Variants in NELL2 observed in about 807,000 individuals in gnomAD.
NELL2 encodes protein kinase C-binding protein NELL2.
In NELL2, 41 loss-of-function variants were observed where a neutral mutation model predicts 109.6. That is an observed-to-expected ratio of 0.37 (90% CI 0.29 to 0.49). The LOEUF is 0.49. Ranked by LOEUF, NELL2 falls within the 20% of genes least tolerant of loss-of-function variation. The pLI, the probability that NELL2 is intolerant of heterozygous loss-of-function variation, is 0.98. For synonymous variants in NELL2, 355 were observed against 344.7 expected (o/e 1.03, Z -0.33); for missense variants, 900 against 1,008.3 (o/e 0.89, Z 1.45).
intron 13 of NELL2, among the ~76,000 whole-genome samples, chr12:44,644,579 A>AGTATATATATATATATATGTATGTAT (rs1946988325): frequency 1.4e-5 from 1 of 70,092 alleles, no homozygotes; most frequent in African/African-American, 7.4e-5. Flanking sequence ...GACAAAGTAA[A>AGTATATATATATATATATGTATGTAT]GTATATATAT....
At chr12:44,854,414 T>C (rs1592657863) in intron 2 of NELL2, among the ~76,000 whole-genome samples, 1 of 152,184 alleles carries the variant, frequency 6.6e-6, no homozygotes, top group Non-Finnish European at 1.5e-5. Flanking sequence ...AGGAGGGAAC[T>C]GTTTTGAACA....
intron 3 of NELL2, among the ~76,000 whole-genome samples, chr12:44,808,001 C>A (rs978309821): frequency 1.3e-5 from 2 of 151,996 alleles, no homozygotes; most frequent in South Asian, 4.1e-4. Context: ...ATATTTAGGG[C>A]CTGATAACTG....
At chr12:44,615,097 A>G (rs1592210161) in intron 13 of NELL2, among the ~76,000 whole-genome samples, 1 of 152,228 alleles carries the variant, frequency 6.6e-6, no homozygotes, top group East Asian at 1.9e-4. Context: ...TAGTAAATGG[A>G]TTCATTATGA....
At chr12:44,867,440 T>C (rs1231015019) in intron 2 of NELL2, among the ~76,000 whole-genome samples, 1 of 152,212 alleles carries the variant, frequency 6.6e-6, no homozygotes, top group African/African-American at 2.4e-5. Flanking sequence ...CATTTCATGA[T>C]AAAAACTCTC....
At chr12:44,835,206 C>T (rs147113304) in intron 2 of NELL2, among the ~76,000 whole-genome samples, 28 of 152,290 alleles carry the variant, frequency 1.8e-4, no homozygotes, top group South Asian at 1.2e-3. Flanking sequence ...CTCTCAGACA[C>T]GCCCTGCCTC....
intron 13 of NELL2, among the ~76,000 whole-genome samples, chr12:44,615,825 A>C (rs1945799986): frequency 1.3e-5 from 2 of 152,156 alleles, no homozygotes. Flanking sequence ...CAAAGGACAG[A>C]CATCACTTTC....
intron 9 of NELL2, among the ~76,000 whole-genome samples, chr12:44,723,406 T>C (rs1477945499): frequency 6.6e-6 from 1 of 152,182 alleles, no homozygotes; most frequent in East Asian, 1.9e-4. Flanking sequence ...TTTTATCCTA[T>C]GTTATCTGAT....
chr12:44,660,322 A>T (rs775316395), intron 13 of NELL2, among the ~76,000 whole-genome samples: 2 of 152,182 alleles, frequency 1.3e-5, no homozygotes, highest in Non-Finnish European at 2.9e-5. Flanking sequence ...GAGGATGAGG[A>T]CCTAGCGTCC....
chr12:44,820,157 C>T (rs1168623917), intron 2 of NELL2, among the ~76,000 whole-genome samples: 1 of 152,160 alleles, frequency 6.6e-6, no homozygotes, highest in Non-Finnish European at 1.5e-5. Context: ...GCTTCCAACC[C>T]TTACCTCACC....
At chr12:44,793,509 G>T (rs2136636107) in intron 3 of NELL2, among the ~76,000 whole-genome samples, 1 of 152,180 alleles carries the variant, frequency 6.6e-6, no homozygotes, top group Non-Finnish European at 1.5e-5. Context: ...GAAATTATTA[G>T]AAATAACACC....
chr12:44,513,385 T>C (rs1941087805), intron 19 of NELL2, among the ~76,000 whole-genome samples: 1 of 151,778 alleles, frequency 6.6e-6, no homozygotes, highest in African/African-American at 2.4e-5. Context: ...TAAAAATTAA[T>C]AGACGTGAAG....
At chr12:44,642,581 T>C (rs1225584460) in intron 13 of NELL2, among the ~76,000 whole-genome samples, 2 of 152,144 alleles carry the variant, frequency 1.3e-5, no homozygotes, top group African/African-American at 4.8e-5. Flanking sequence ...ATATTGTCCC[T>C]TAAAATTTGT....
intron 2 of NELL2, among the ~76,000 whole-genome samples, chr12:44,865,372 A>C (rs1944962519): frequency 7.1e-6 from 1 of 141,648 alleles, no homozygotes; most frequent in Non-Finnish European, 1.5e-5. Flanking sequence ...ACGTATGTTT[A>C]TTGTGGCATT....
intron 13 of NELL2, among the ~76,000 whole-genome samples, chr12:44,617,658 C>G (rs1945878802): frequency 1.8e-5 from 2 of 113,944 alleles, no homozygotes; most frequent in African/African-American, 3.5e-5. Context: ...CGCCACTGCA[C>G]TCCAGCCTGG....
chr12:44,857,831 T>C (rs548172636), intron 2 of NELL2, among the ~76,000 whole-genome samples: 1 of 152,248 alleles, frequency 6.6e-6, no homozygotes, highest in South Asian at 2.1e-4. Flanking sequence ...CTCATCCCTT[T>C]CTACCCAAAT....
rs759139662 is a variant in NELL2, at chr12:44,875,871, G to A, written c.-2C>T. 6.2e-7 allele frequency: 1 copy of A among 1,613,964 alleles called. No homozygotes were observed. The highest frequency in any genetic ancestry group is 1.3e-5 in the African/African-American group (1 of 75,040). ...TCTCAGTAAGACCCGAGACTCCATG[G>A]TGCGGATCAGCTCAGTCCATCGTCT... On this transcript the variant is annotated 5_prime_UTR_variant, in exon 1 of 20. Transcript: ENST00000429094.
intron 13 of NELL2, among the ~76,000 whole-genome samples, chr12:44,664,254 A>G (rs1947848375): frequency 6.6e-6 from 1 of 152,104 alleles, no homozygotes. Flanking sequence ...TGTTTCCATA[A>G]TTAGGAAATG....
At chr12:44,776,186 C>A in intron 7 of NELL2, 36 bp from the exon 8 acceptor site, 2 of 1,606,728 alleles carry the variant, frequency 1.2e-6, no homozygotes, top group South Asian at 2.2e-5. Flanking sequence ...CATTGTTCAT[C>A]CTTCCAGCAA....
At chr12:44,537,508 T>C (rs1942347851) in intron 15 of NELL2, among the ~76,000 whole-genome samples, 1 of 152,084 alleles carries the variant, frequency 6.6e-6, no homozygotes, top group African/African-American at 2.4e-5. Context: ...TAGAGTACTC[T>C]TTTTCATACT....
Sources: allele counts gnomAD v4.1 joint callset (sites outside exome capture counted in the v4.1 genomes callset), GRCh38; gene constraint gnomAD v4.1.1; transcripts MANE v1.5; gene names NCBI Gene and HGNC (gene_info 2026-07-23, HGNC 2026-07-21).